NEDD4L: variants seen among roughly 807,000 people sequenced by gnomAD.
The protein encoded by NEDD4L is E3 ubiquitin-protein ligase NEDD4-like.
Under a neutral mutation model 148.9 loss-of-function variants are expected in NEDD4L, and 54 were observed. The ratio of observed to expected loss-of-function variants is 0.36; its 90% CI spans 0.29 to 0.45. NEDD4L has a LOEUF of 0.45. Among genes scored for constraint, NEDD4L ranks in the 20% least tolerant of loss-of-function variants. NEDD4L has a pLI of 1.00. For synonymous variants in NEDD4L, 433 were observed against 440.7 expected (o/e 0.98, Z 0.22); for missense variants, 856 against 1,233.8 (o/e 0.69, Z 4.59).
chr18:58,278,644 C>T (rs2148925905), intron 5 of NEDD4L, among the ~76,000 whole-genome samples: 1 of 152,280 alleles, frequency 6.6e-6, no homozygotes, highest in East Asian at 1.9e-4. Context: ...CCCTGTGGCC[C>T]CTGTGTGCAG....
intron 5 of NEDD4L, among the ~76,000 whole-genome samples, chr18:58,276,575 AT>A (rs571698922): frequency 4.1e-4 from 62 of 152,050 alleles, no homozygotes; most frequent in African/African-American, 1.4e-3. Flanking sequence ...CTGTTTCCCT[AT>A]TTGTAAAATG....
intron 1 of NEDD4L, among the ~76,000 whole-genome samples, chr18:58,074,435 T>G (rs1970681): frequency 2.2e-5 from 1 of 45,214 alleles, no homozygotes; most frequent in Non-Finnish European, 3.9e-5. Context: ...ATTTTTTGTA[T>G]TTTTTTTTTT....
intron 5 of NEDD4L, among the ~76,000 whole-genome samples, chr18:58,263,539 T>G (rs1280026102): frequency 6.6e-6 from 1 of 152,150 alleles, no homozygotes; most frequent in South Asian, 2.1e-4. Context: ...TAGTTTCTCT[T>G]TCTTCTATTG....
chr18:58,267,727 G>A (rs932010724), intron 5 of NEDD4L, among the ~76,000 whole-genome samples: 11 of 152,044 alleles, frequency 7.2e-5, no homozygotes, highest in East Asian at 1.9e-4. Flanking sequence ...ATGCCAGGGC[G>A]TGGGTGGATA....
chr18:58,268,802 A>G (rs895468586), intron 5 of NEDD4L, among the ~76,000 whole-genome samples: 1 of 152,088 alleles, frequency 6.6e-6, no homozygotes, highest in African/African-American at 2.4e-5. Context: ...GGCTTCTTTA[A>G]GCTGACCAGT....
intron 2 of NEDD4L, among the ~76,000 whole-genome samples, chr18:58,207,322 T>C (rs1445153312): frequency 6.6e-6 from 1 of 151,828 alleles, no homozygotes; most frequent in Non-Finnish European, 1.5e-5. Context: ...TAGAGATTTT[T>C]TTTTTTTTCT....
intron 24 of NEDD4L, among the ~76,000 whole-genome samples, chr18:58,378,631 G>C (rs778607577): frequency 6.6e-6 from 1 of 152,196 alleles, no homozygotes; most frequent in Non-Finnish European, 1.5e-5. Flanking sequence ...GATGAGGAAG[G>C]CCTGGTTGGT....
At chr18:58,118,001 A>G (rs963026412) in intron 1 of NEDD4L, among the ~76,000 whole-genome samples, 1 of 152,226 alleles carries the variant, frequency 6.6e-6, no homozygotes, top group Non-Finnish European at 1.5e-5. Flanking sequence ...ATGACAGCCC[A>G]GCAGAAAGAA....
chr18:58,375,016 A>G (rs535467849), intron 24 of NEDD4L, among the ~76,000 whole-genome samples: 1 of 152,100 alleles, frequency 6.6e-6, no homozygotes, highest in East Asian at 1.9e-4. Flanking sequence ...CCAGTGCTAA[A>G]GCCACTTTTT....
chr18:58,230,026 T>C (rs977455201), intron 2 of NEDD4L, among the ~76,000 whole-genome samples: 10 of 152,038 alleles, frequency 6.6e-5, no homozygotes, highest in Admixed American at 3.9e-4. Context: ...GGAAAGCTTT[T>C]TCAGGTTGGA....
At chr18:58,214,815 T>TTTTTTTTTG (rs1291603873) in intron 2 of NEDD4L, among the ~76,000 whole-genome samples, 3 of 127,154 alleles carry the variant, frequency 2.4e-5, no homozygotes, top group Non-Finnish European at 3.3e-5. Context: ...TTTTTTTTTT[T>TTTTTTTTTG]TTGTTGTTGT....
At chr18:58,185,991 C>G (rs1048745876) in intron 2 of NEDD4L, among the ~76,000 whole-genome samples, 1 of 152,118 alleles carries the variant, frequency 6.6e-6, no homozygotes, top group Non-Finnish European at 1.5e-5. Flanking sequence ...TGCACACGTA[C>G]AGAGAAGGAT....
In NEDD4L at chr18:58,353,781, G is replaced by C. The variant is rs183288217; in HGVS notation, c.1708+2736G>C. On this transcript the variant is annotated intron_variant, in intron 18 of 30. Transcript: ENST00000400345. ...AATCTTATAGCAAAACTCAGCATCT[G>C]ATTTTGCTGTCATAATGCCTACAGG... 5.0e-4 allele frequency among the ~76,000 whole-genome samples: 76 copies of C among 152,304 alleles called. 1 individual carries two copies. The highest frequency in any genetic ancestry group is 1.7e-3 in the African/African-American group (70 of 41,566).
At position 58,169,854 on chromosome 18, in the gene NEDD4L, C is replaced by T. The variant is rs540039121; in HGVS notation, c.122+3993C>T. ...TGCTCTGTCCCCCAGCAGACCTCTC[C>T]CTGTCTCTGGGGTGCCCATGACCCC... On this transcript the variant is annotated intron_variant, in intron 2 of 30. Transcript: ENST00000400345. Among the ~76,000 whole-genome samples the T allele has an allele frequency of 4.6e-5, 7 of 152,310 alleles. No homozygotes were observed. In the East Asian group the frequency reaches 1.4e-3, roughly 29 times the overall value.
intron 5 of NEDD4L, among the ~76,000 whole-genome samples, chr18:58,253,293 C>G (rs1322987298): frequency 1.3e-5 from 2 of 152,174 alleles, no homozygotes; most frequent in African/African-American, 2.4e-5. Flanking sequence ...ACCTGCTGGC[C>G]TCCTAAGTCC....
At position 58,291,802 on chromosome 18, in the gene NEDD4L, A is replaced by G. The variant is rs139611606; in HGVS notation, c.298-24180A>G. Among the ~76,000 whole-genome samples the G allele has an allele frequency of 2.5e-3, 379 of 152,208 alleles. 2 individuals are homozygous for G. The highest frequency in any genetic ancestry group is 3.5e-3 in the Non-Finnish European group (240 of 67,990). On this transcript the variant is annotated intron_variant, in intron 5 of 30. Coordinates refer to ENST00000400345, the MANE Select transcript of NEDD4L (RefSeq NM_001144967.3). Reference sequence around the variant, plus strand: ...TTCCCCCCACCCCATGGATACAGTGAACATTTGTCAGCAGCTGGTAATGGC... The same window carrying G: ...TTCCCCCCACCCCATGGATACAGTGGACATTTGTCAGCAGCTGGTAATGGC...
chr18:58,360,046 A>G (rs955862693), intron 19 of NEDD4L: 1 of 152,232 alleles, frequency 6.6e-6, no homozygotes, highest in Non-Finnish European at 1.5e-5. Context: ...GCCTCCATAA[A>G]TGATGATAAC....
In NEDD4L at chr18:58,179,477, A is replaced by AG. The variant is rs543202662; in HGVS notation, c.122+13620dup. 4.7e-3 allele frequency among the ~76,000 whole-genome samples: 706 copies of AG among 151,808 alleles called. 5 individuals are homozygous for AG. The highest frequency in any genetic ancestry group is 7.0e-3 in the Non-Finnish European group (472 of 67,886). On this transcript the variant is annotated intron_variant, in intron 2 of 30. Transcript: ENST00000400345. ...CTGGCTTTCAGTGTTTGTGTAGAGC[A>AG]GGGGTCTCCAACTCCTGTGGCGTGT...
At chr18:58,133,362 A>G (rs2032416466) in intron 1 of NEDD4L, among the ~76,000 whole-genome samples, 1 of 152,164 alleles carries the variant, frequency 6.6e-6, no homozygotes, top group Non-Finnish European at 1.5e-5. Flanking sequence ...CCCACAATGA[A>G]TCTTGCCCCA....
Sources: gnomAD v4.1 joint callset for allele counts (sites outside exome capture counted in the v4.1 genomes callset) on GRCh38, gnomAD v4.1.1 for gene constraint, MANE v1.5 for transcripts, NCBI Gene and HGNC (gene_info 2026-07-23, HGNC 2026-07-21) for gene names.